Variants in MYO9A observed in about 807,000 individuals in gnomAD.
MYO9A encodes unconventional myosin-IXa.
In MYO9A, 103 loss-of-function variants were observed where a neutral mutation model predicts 293.3. The ratio of observed to expected loss-of-function variants is 0.35; its 90% CI spans 0.30 to 0.41. The LOEUF is 0.41. Among genes scored for constraint, MYO9A ranks in the 10% least tolerant of loss-of-function variants. MYO9A has a pLI of 1.00. For synonymous variants in MYO9A, 1,001 were observed against 1,035.7 expected, an observed-to-expected ratio of 0.97 and a Z score of 0.64; for missense variants, 2,685 against 3,033.0, an observed-to-expected ratio of 0.89 and a Z score of 2.69.
Position 72,038,393 on chromosome 15 carries a change from T to C in MYO9A, c.841-5805A>G, listed in dbSNP as rs372091263. Among the ~76,000 whole-genome samples, 117 of 152,200 alleles carry C rather than the reference T, an allele frequency of 7.7e-4. 1 individual carries two copies. The South Asian group carries it at 0.024, about 31-fold the overall frequency. ...AAAAAATATCCACCACGAAAGACCA[T>C]GTTCTGGGCCACAAGTCTCAATAAC... On this transcript the variant is annotated intron_variant, in intron 2 of 41. Coordinates refer to ENST00000356056, the MANE Select transcript of MYO9A (RefSeq NM_006901.4).
intron 39 of MYO9A, among the ~76,000 whole-genome samples, chr15:71,830,962 G>T (rs2054698357): frequency 7.1e-6 from 1 of 140,030 alleles, no homozygotes; most frequent in African/African-American, 2.7e-5. Flanking sequence ...AAATCTCATT[G>T]CTGCTTCTTC....
At chr15:71,964,201 A>C (rs1019144294) in intron 13 of MYO9A, among the ~76,000 whole-genome samples, 1 of 151,972 alleles carries the variant, frequency 6.6e-6, no homozygotes, top group African/African-American at 2.4e-5. Context: ...ATTTTGTGTT[A>C]TCTTCTCAAG....
chr15:72,003,682 C>T (rs1207643466), intron 8 of MYO9A, among the ~76,000 whole-genome samples: 53 of 140,480 alleles, frequency 3.8e-4, no homozygotes, highest in African/African-American at 1.4e-3. Context: ...CCAGCCTGGG[C>T]GACAGAGCGA....
At chr15:71,903,545 T>G (rs2057544080) in intron 21 of MYO9A, among the ~76,000 whole-genome samples, 1 of 152,178 alleles carries the variant, frequency 6.6e-6, no homozygotes, top group African/African-American at 2.4e-5. Flanking sequence ...GCTGGCAGCT[T>G]ACTATGAAAG....
intron 19 of MYO9A, among the ~76,000 whole-genome samples, chr15:71,915,230 G>A (rs1366087495): frequency 6.6e-6 from 1 of 151,806 alleles, no homozygotes; most frequent in Admixed American, 6.6e-5. Flanking sequence ...TGGATTGTGA[G>A]GACAGAAGCA....
intron 8 of MYO9A, among the ~76,000 whole-genome samples, chr15:72,000,595 C>T (rs76911626): frequency 0.017 from 2,631 of 152,130 alleles, 35 homozygotes; most frequent in Non-Finnish European, 0.025. Flanking sequence ...TATAAAGTAC[C>T]ATATTGCCCA....
At chr15:72,054,608 T>C (rs1000418203) in intron 1 of MYO9A, among the ~76,000 whole-genome samples, 3 of 142,038 alleles carry the variant, frequency 2.1e-5, no homozygotes, top group African/African-American at 5.3e-5. Context: ...GAGGCAGACG[T>C]TGAAGTGAGT....
At chr15:71,857,729 T>G (rs946757088) in intron 34 of MYO9A, among the ~76,000 whole-genome samples, 1 of 151,864 alleles carries the variant, frequency 6.6e-6, no homozygotes, top group Non-Finnish European at 1.5e-5. Context: ...TATTGATAGG[T>G]AAAAGTATAT....
chr15:72,084,151 C>G (rs1211049528), intron 1 of MYO9A, among the ~76,000 whole-genome samples: 2 of 152,270 alleles, frequency 1.3e-5, no homozygotes, highest in East Asian at 3.9e-4. Flanking sequence ...TCTCTGAGAA[C>G]TTGCTTTATG....
chr15:71,910,602 T>G (rs945024867), intron 19 of MYO9A, among the ~76,000 whole-genome samples: 33 of 152,340 alleles, frequency 2.2e-4, no homozygotes, highest in Middle Eastern at 3.4e-3. Context: ...CCATATAAGG[T>G]TCTGAATGCT....
At chr15:72,100,241 G>A (rs550348974) in intron 1 of MYO9A, among the ~76,000 whole-genome samples, 37 of 152,306 alleles carry the variant, frequency 2.4e-4, no homozygotes, top group African/African-American at 8.7e-4. Context: ...AATTAGACAG[G>A]TGTGGTGGCT....
At chr15:72,053,455 T>C (rs568094677) in intron 1 of MYO9A, among the ~76,000 whole-genome samples, 4 of 152,034 alleles carry the variant, frequency 2.6e-5, no homozygotes, top group Non-Finnish European at 2.9e-5. Context: ...GTGGCACATA[T>C]ACACCACGGA....
chr15:72,046,416 T>C lies in MYO9A; in HGVS notation c.148A>G (p.Ile50Val). 2.5e-6 allele frequency: 4 copies of C among 1,614,212 alleles called. No individual in the cohort carries two copies. The highest frequency in any genetic ancestry group is 3.4e-6 in the Non-Finnish European group (4 of 1,180,042). Residue 50 changes from isoleucine to valine, a missense_variant, in exon 2 of 42, where the codon ATA becomes GTA. By Grantham distance (29) the Ile-to-Val change is conservative. Transcript: ENST00000356056. ...STAAEVIESL[I>V]NKLHLDKTKC... is the part of the protein sequence containing the mutation. ...GTTTTGTCAAGATGAAGTTTGTTTA[T>C]AAGAGACTCAATCACCTCAGCAGCT...
chr15:72,091,705 T>C (rs1452278142), intron 1 of MYO9A, among the ~76,000 whole-genome samples: 2 of 127,174 alleles, frequency 1.6e-5, no homozygotes, highest in South Asian at 2.8e-4. Flanking sequence ...AGAAAATATA[T>C]ATTCTTTTTT....
chr15:71,965,241 G>C (rs1249802336), intron 13 of MYO9A, among the ~76,000 whole-genome samples: 2 of 151,702 alleles, frequency 1.3e-5, no homozygotes, highest in Non-Finnish European at 2.9e-5. Context: ...GTGCTAATTA[G>C]GTCACCTATT....
At chr15:72,100,809 A>G (rs1207081797) in intron 1 of MYO9A, among the ~76,000 whole-genome samples, 1 of 141,014 alleles carries the variant, frequency 7.1e-6, no homozygotes, top group Non-Finnish European at 1.5e-5. Context: ...CCCGGCAGCC[A>G]CCCCGTCTGG....
intron 26 of MYO9A, 37 bp downstream of exon 26, chr15:71,893,642 T>C (rs1343565662): frequency 2.0e-6 from 3 of 1,496,596 alleles, no homozygotes; most frequent in African/African-American, 2.8e-5. Flanking sequence ...ACATCTCTTT[T>C]GTATAGAAGA....
intron 14 of MYO9A, among the ~76,000 whole-genome samples, chr15:71,952,659 G>A (rs116937504): frequency 0.03 from 4,590 of 152,228 alleles, 150 homozygotes; most frequent in Admixed American, 0.085. Flanking sequence ...TGGTGGTTGT[G>A]TAACATTTAT....
At chr15:71,865,108 A>T (rs1337380754) in intron 32 of MYO9A, among the ~76,000 whole-genome samples, 2 of 152,186 alleles carry the variant, frequency 1.3e-5, no homozygotes, top group African/African-American at 2.4e-5. Context: ...ACATTTCATT[A>T]TACACTAGCA....
Sources: gnomAD v4.1 joint callset for allele counts (sites outside exome capture counted in the v4.1 genomes callset) on GRCh38, gnomAD v4.1.1 for gene constraint, MANE v1.5 for transcripts, NCBI Gene and HGNC (gene_info 2026-07-23, HGNC 2026-07-21) for gene names.